RGS8: variants seen among roughly 807,000 people sequenced by gnomAD.
RGS8 encodes the protein regulator of G protein signaling 8, also known as regulator of G-protein signaling 8.
A neutral mutation model predicts 21.7 loss-of-function variants in RGS8; 8 were observed. That is an observed-to-expected ratio of 0.37 (90% confidence interval 0.22 to 0.66). RGS8 has a LOEUF of 0.66. RGS8 is among the 30% of genes least tolerant of loss of function. RGS8 has a pLI of 0.59. For missense variants in RGS8, 157 were observed against 217.9 expected, an observed-to-expected ratio of 0.72 and a Z score of 1.76; for synonymous variants, 80 against 83.6, an observed-to-expected ratio of 0.96 and a Z score of 0.24.
the RGS8 span, among the ~76,000 whole-genome samples, chr1:182,739,333 C>T: frequency 2.6e-5 from 4 of 152,150 alleles, no homozygotes; most frequent in Non-Finnish European, 5.9e-5. Flanking sequence ...CCTGATAAGA[C>T]AATGTATTTT....
At chr1:182,667,887 A>T (rs756536010) in intron 3 of RGS8, among the ~76,000 whole-genome samples, 1 of 151,516 alleles carries the variant, frequency 6.6e-6, no homozygotes, top group African/African-American at 2.4e-5. Context: ...TTGCTATATT[A>T]CCCAGGCTGG....
chr1:182,736,174 T>C, the RGS8 span, among the ~76,000 whole-genome samples: 3 of 152,216 alleles, frequency 2.0e-5, no homozygotes, highest in African/African-American at 7.2e-5. Context: ...AAAACCACTA[T>C]TAAAATATTA....
chr1:182,747,856 A>AAC, the RGS8 span, among the ~76,000 whole-genome samples: 1 of 151,834 alleles, frequency 6.6e-6, no homozygotes, highest in Admixed American at 6.6e-5. Context: ...ACGAAAAAAA[A>AAC]AAAAAAGGTA....
At chr1:182,718,149 G>A in the RGS8 span, among the ~76,000 whole-genome samples, 1 of 152,168 alleles carries the variant, frequency 6.6e-6, no homozygotes, top group Non-Finnish European at 1.5e-5. Flanking sequence ...CTGGGACAGA[G>A]CATATCCAAA....
chr1:182,675,490 C>A (rs1664327032), upstream of RGS8, among the ~76,000 whole-genome samples: 1 of 152,162 alleles, frequency 6.6e-6, no homozygotes, highest in Admixed American at 6.5e-5. Flanking sequence ...TGAACAGATA[C>A]CATAAAGTGG....
the RGS8 span, among the ~76,000 whole-genome samples, chr1:182,700,845 T>G: frequency 6.6e-6 from 1 of 152,244 alleles, no homozygotes; most frequent in African/African-American, 2.4e-5. Context: ...CTACTTACAT[T>G]GGAGGAAATT....
At chr1:182,731,514 T>G in the RGS8 span, among the ~76,000 whole-genome samples, 3 of 152,230 alleles carry the variant, frequency 2.0e-5, no homozygotes, top group East Asian at 1.9e-4. Flanking sequence ...AGTCTTCTTC[T>G]AGTTCAAGAT....
chr1:182,740,925 A>T, the RGS8 span, among the ~76,000 whole-genome samples: 1 of 152,092 alleles, frequency 6.6e-6, no homozygotes, highest in African/African-American at 2.4e-5. Context: ...TTAGTACAGA[A>T]CAAAATGAAA....
chr1:182,722,125 C>T, the RGS8 span, among the ~76,000 whole-genome samples: 1 of 151,876 alleles, frequency 6.6e-6, no homozygotes, highest in East Asian at 1.9e-4. Context: ...ATATCTGATT[C>T]CTCTTGTCCT....
At chr1:182,715,551 C>A in the RGS8 span, among the ~76,000 whole-genome samples, 1 of 152,180 alleles carries the variant, frequency 6.6e-6, no homozygotes, top group Non-Finnish European at 1.5e-5. Flanking sequence ...CTAGAAGTGA[C>A]CCAGCATCAC....
chr1:182,688,701 A>G (rs1571364070), upstream of RGS8, among the ~76,000 whole-genome samples: 1 of 152,214 alleles, frequency 6.6e-6, no homozygotes, highest in Non-Finnish European at 1.5e-5. Flanking sequence ...GATTCAAACT[A>G]TGAGAGGGAC....
chr1:182,695,356 G>A, the RGS8 span, among the ~76,000 whole-genome samples: 2 of 152,078 alleles, frequency 1.3e-5, no homozygotes, highest in African/African-American at 2.4e-5. Flanking sequence ...CTCACATTTC[G>A]CAGAACACTT....
the RGS8 span, among the ~76,000 whole-genome samples, chr1:182,707,812 T>G: frequency 6.6e-6 from 1 of 151,618 alleles, no homozygotes; most frequent in Non-Finnish European, 1.5e-5. Context: ...GTTCACACCA[T>G]TCTCCTGCCT....
chr1:182,729,879 G>A, the RGS8 span, among the ~76,000 whole-genome samples: 306 of 152,228 alleles, frequency 2.0e-3, 2 homozygotes, highest in African/African-American at 7.2e-3. Context: ...AAGAACGAAC[G>A]GAGGATCCCA....
At chr1:182,722,712 C>T in the RGS8 span, among the ~76,000 whole-genome samples, 2 of 152,104 alleles carry the variant, frequency 1.3e-5, no homozygotes, top group Admixed American at 1.3e-4. Flanking sequence ...CGTGGTGGCT[C>T]ACACCTGTAA....
chr1:182,680,253 AC>A (rs1457980249), intron 1 of RGS8, among the ~76,000 whole-genome samples: 1 of 152,124 alleles, frequency 6.6e-6, no homozygotes, highest in Non-Finnish European at 1.5e-5. Context: ...ATCCTGATAC[AC>A]AAACACCCCA....
chr1:182,670,234 G>A (rs1010608226), intron 2 of RGS8, among the ~76,000 whole-genome samples: 1 of 152,228 alleles, frequency 6.6e-6, no homozygotes, highest in Non-Finnish European at 1.5e-5. Context: ...AGGGAGGTTG[G>A]AGGAACTCCA....
chr1:182,671,976 A>T (rs966428136), upstream of RGS8: 18 of 1,293,566 alleles, frequency 1.4e-5, no homozygotes, highest in Non-Finnish European at 1.8e-5. Flanking sequence ...CACAGTCTGC[A>T]CGCCCATCCT....
At chr1:182,649,348 A>G (rs1662883079) in intron 5 of RGS8, among the ~76,000 whole-genome samples, 1 of 152,220 alleles carries the variant, frequency 6.6e-6, no homozygotes, top group Admixed American at 6.5e-5. Flanking sequence ...ACCAAAAAAA[A>G]TCTGAAAGTA....
Sources: gnomAD v4.1 joint callset for allele counts (sites outside exome capture counted in the v4.1 genomes callset) on GRCh38, gnomAD v4.1.1 for gene constraint, MANE v1.5 for transcripts, NCBI Gene and HGNC (gene_info 2026-07-23, HGNC 2026-07-21) for gene names.